PHF3: variants seen among roughly 807,000 people sequenced by gnomAD.
PHF3 encodes the protein PHD finger protein 3.
In PHF3, 41 loss-of-function variants were observed where a neutral mutation model predicts 178.4. That is an observed-to-expected ratio of 0.23 (90% CI 0.18 to 0.30). The LOEUF is 0.30. PHF3 is among the 10% of genes least tolerant of loss of function. The pLI is 1.00. For missense variants in PHF3, 2,346 were observed against 2,398.1 expected, an observed-to-expected ratio of 0.98 and a Z score of 0.45; for synonymous variants, 842 against 800.5, an observed-to-expected ratio of 1.05 and a Z score of -0.88.
At chr6:63,678,530 T>C (rs1766284983) in intron 2 of PHF3, among the ~76,000 whole-genome samples, 1 of 152,004 alleles carries the variant, frequency 6.6e-6, no homozygotes. Flanking sequence ...TGTTTATGGA[T>C]AAGAATTACT....
intron 6 of PHF3, among the ~76,000 whole-genome samples, chr6:63,696,227 C>T (rs1399671626): frequency 3.3e-5 from 5 of 152,134 alleles, no homozygotes; most frequent in Non-Finnish European, 7.4e-5. Context: ...CATACTCAAC[C>T]TGTATTTAAA....
chr6:63,703,956 A>C (rs1767587088), intron 11 of PHF3, among the ~76,000 whole-genome samples: 1 of 152,232 alleles, frequency 6.6e-6, no homozygotes, highest in Non-Finnish European at 1.5e-5. Flanking sequence ...AATGAACATC[A>C]AACATTGTGG....
Position 63,694,761 on chromosome 6 carries a change from C to A in PHF3, c.2677C>A (p.Pro893Thr). Reference protein sequence around the residue: ...VTCTGEKASKPGTHEKQEMKK... With the variant: ...VTCTGEKASKTGTHEKQEMKK... ...TTGCACAGGAGAAAAAGCTTCAAAA[C>A]CAGGTAGTGAGATGAACAGAAAAAA... Residue 893 changes from proline (P) to threonine (T), a missense_variant, in exon 6 of 16, where the codon CCA becomes ACA. Coordinates refer to ENST00000262043, the MANE Select transcript of PHF3 (RefSeq NM_001370348.2). 6.8e-7 allele frequency: 1 copy of A among 1,470,456 alleles called. No individual in the cohort carries two copies. Among genetic ancestry groups the A allele is most frequent in the Non-Finnish European group, 9.0e-7 (1 of 1,109,344 alleles). The allele number at this position is 1,470,456 out of a possible 1,614,324, so 91.1% of individuals were successfully genotyped here. A position where few individuals can be genotyped will look rare whatever the true frequency, so the allele number is the denominator to read the frequency against.
Position 63,656,944 on chromosome 6 carries a change from A to G in PHF3, c.244+10149A>G, listed in dbSNP as rs145998488. 2.7e-3 allele frequency among the ~76,000 whole-genome samples: 410 copies of G among 152,118 alleles called. 4 individuals carry two copies. The highest frequency in any genetic ancestry group is 8.8e-3 in the African/African-American group (364 of 41,488). On this transcript the variant is annotated intron_variant, in intron 2 of 15. Transcript: ENST00000262043. ...CAACCCAGTTTAGGATCTTCTCTTT[A>G]CCTTTTGATGTTCTGAAATTGCAGT...
rs1289099342 is a variant in PHF3 at position 63,720,052 on chromosome 6, A to G, written c.*6344A>G. The G allele has an allele frequency of 6.5e-6, 1 of 152,758 alleles. No homozygotes were observed. The highest frequency in any genetic ancestry group is 1.5e-5 in the Non-Finnish European group (1 of 68,478). 9.5% of individuals were successfully genotyped at this position (152,758 alleles called of 1,614,324 possible). A position where few individuals can be genotyped will look rare whatever the true frequency, so the allele number is the denominator to read the frequency against. On this transcript the variant is annotated 3_prime_UTR_variant, in exon 16 of 16. Coordinates refer to ENST00000262043, the MANE Select transcript of PHF3 (RefSeq NM_001370348.2). ...CCTTCTCTTTCTACATTCATGCAATAATTTTTGGTTTAAATCTATGTTCAA... is the reference window on the plus strand; with the variant it reads ...CCTTCTCTTTCTACATTCATGCAATGATTTTTGGTTTAAATCTATGTTCAA...
At chr6:63,690,178 C>T (rs1395836228) in intron 4 of PHF3, among the ~76,000 whole-genome samples, 1 of 152,120 alleles carries the variant, frequency 6.6e-6, no homozygotes, top group Non-Finnish European at 1.5e-5. Flanking sequence ...TTTCTGTCTT[C>T]TAAACGTGTG....
At chr6:63,652,107 G>A (rs1012592386) in intron 2 of PHF3, among the ~76,000 whole-genome samples, 1 of 152,028 alleles carries the variant, frequency 6.6e-6, no homozygotes, top group Non-Finnish European at 1.5e-5. Context: ...GTTTTTTGAG[G>A]AACTTCCATA....
At chr6:63,658,733 T>C (rs1765342932) in intron 2 of PHF3, among the ~76,000 whole-genome samples, 1 of 151,054 alleles carries the variant, frequency 6.6e-6, no homozygotes, top group Non-Finnish European at 1.5e-5. Context: ...TGTGTGTGTG[T>C]GTGTGTGTGT....
chr6:63,663,962 A>G (rs116214539), intron 2 of PHF3, among the ~76,000 whole-genome samples: 86 of 152,338 alleles, frequency 5.6e-4, no homozygotes, highest in Middle Eastern at 3.4e-3. Context: ...TTCTACTCAC[A>G]TCCCATTGGC....
intron 1 of PHF3, among the ~76,000 whole-genome samples, chr6:63,640,181 A>G (rs1039056633): frequency 7.2e-5 from 11 of 152,240 alleles, no homozygotes; most frequent in Admixed American, 7.2e-4. Flanking sequence ...GGTGTAGAGT[A>G]GATGACTAGG....
intron 14 of PHF3, among the ~76,000 whole-genome samples, chr6:63,710,610 T>G (rs1767884348): frequency 6.6e-6 from 1 of 152,198 alleles, no homozygotes; most frequent in African/African-American, 2.4e-5. Context: ...TAAGCCAAAT[T>G]ACTTTACAAA....
chr6:63,679,921 C>A, intron 2 of PHF3, 79 bp from the exon 3 acceptor site: 2 of 1,119,846 alleles, frequency 1.8e-6, no homozygotes, highest in Non-Finnish European at 2.7e-6. Context: ...GACTATCTCA[C>A]AGTATTTTCT....
At chr6:63,659,205 C>T (rs1765364249) in intron 2 of PHF3, among the ~76,000 whole-genome samples, 2 of 152,050 alleles carry the variant, frequency 1.3e-5, no homozygotes, top group Non-Finnish European at 2.9e-5. Flanking sequence ...TTAGCCATTC[C>T]ACAATGTATA....
intron 2 of PHF3, among the ~76,000 whole-genome samples, chr6:63,658,557 A>G (rs1044225870): frequency 1.9e-4 from 29 of 152,058 alleles, no homozygotes; most frequent in African/African-American, 7.0e-4. Context: ...TGTTACCTTG[A>G]TGTTTATTTC....
chr6:63,690,641 C>T (rs1001972275), intron 4 of PHF3, among the ~76,000 whole-genome samples: 7 of 152,176 alleles, frequency 4.6e-5, no homozygotes, highest in South Asian at 2.1e-4. Context: ...ATCAGTAGCA[C>T]GGTCTTTAGA....
chr6:63,697,371 GA>G (rs1303397154), intron 6 of PHF3, among the ~76,000 whole-genome samples: 5 of 152,160 alleles, frequency 3.3e-5, no homozygotes, highest in Non-Finnish European at 5.9e-5. Context: ...GATGAGAGGA[GA>G]AAAAGTATGA....
chr6:63,667,833 G>A (rs750981944), intron 2 of PHF3, among the ~76,000 whole-genome samples: 2 of 152,162 alleles, frequency 1.3e-5, no homozygotes, highest in Non-Finnish European at 2.9e-5. Flanking sequence ...CTTGATTAGA[G>A]TCAAACATAT....
In PHF3 at chr6:63,721,389, T is replaced by G; in HGVS notation, c.*7681T>G. ...TTCACCTCCATTTCTGCATGTGTTG[T>G]ACCCACAGGCTGTCCCATCACAGTC... On this transcript the variant is annotated 3_prime_UTR_variant, in exon 16 of 16. Transcript: ENST00000262043. 2 of 1,551,752 alleles carry G rather than the reference T, an allele frequency of 1.3e-6. No individual in the cohort carries two copies. The highest frequency in any genetic ancestry group is 1.7e-6 in the Non-Finnish European group (2 of 1,146,910).
intron 4 of PHF3, among the ~76,000 whole-genome samples, chr6:63,690,040 T>C (rs1445761009): frequency 2.6e-5 from 4 of 152,178 alleles, no homozygotes; most frequent in Non-Finnish European, 4.4e-5. Context: ...TAATCATTTT[T>C]AATATTTTAG....
Sources: gnomAD v4.1 joint callset for allele counts (sites outside exome capture counted in the v4.1 genomes callset) on GRCh38, gnomAD v4.1.1 for gene constraint, MANE v1.5 for transcripts, NCBI Gene and HGNC (gene_info 2026-07-23, HGNC 2026-07-21) for gene names.